Variants in LOC728743 observed in about 807,000 individuals in gnomAD.
At chr7:150,408,271 G>A in the LOC728743 span, 3 of 378,004 alleles carry the variant, frequency 7.9e-6, no homozygotes, top group Admixed American at 4.5e-5. Flanking sequence ...CCGCACGTGC[G>A]TCCCCGACCC....
the LOC728743 span, chr7:150,408,326 C>T: frequency 2.8e-6 from 1 of 360,590 alleles, no homozygotes; most frequent in Non-Finnish European, 5.0e-6. Context: ...GATGGGATCC[C>T]GGGAGAGGGG....
At chr7:150,406,881 C>A in the LOC728743 span, among the ~76,000 whole-genome samples, 129 of 152,310 alleles carry the variant, frequency 8.5e-4, no homozygotes, top group African/African-American at 3.0e-3. Context: ...TGAACACATG[C>A]CTCATTTTGA....
the LOC728743 span, chr7:150,408,070 C>G: frequency 2.7e-6 from 1 of 376,732 alleles, no homozygotes; most frequent in Non-Finnish European, 4.7e-6. Flanking sequence ...CCGCGCCGCA[C>G]CCGCGCCGCC....
At chr7:150,408,118 C>A in the LOC728743 span, 1 of 383,468 alleles carries the variant, frequency 2.6e-6, no homozygotes, top group African/African-American at 2.1e-5. Flanking sequence ...ACTTCTGCCC[C>A]CGCTGCGGCA....
the LOC728743 span, chr7:150,407,677 C>T: frequency 2.5e-6 from 1 of 399,096 alleles, no homozygotes. Context: ...GTCTGGGGGA[C>T]GAGCGAGGCC....
the LOC728743 span, among the ~76,000 whole-genome samples, chr7:150,409,645 T>C: frequency 6.6e-6 from 1 of 152,142 alleles, no homozygotes; most frequent in Non-Finnish European, 1.5e-5. Flanking sequence ...AGGGAGGATT[T>C]GGGGCCATGT....
At chr7:150,410,127 ACCTGAT>A in the LOC728743 span, 2 of 398,558 alleles carry the variant, frequency 5.0e-6, no homozygotes, top group Admixed American at 8.8e-5. Flanking sequence ...ACGGCTCCAC[ACCTGAT>A]CCTGATCTCT....
the LOC728743 span, among the ~76,000 whole-genome samples, chr7:150,409,315 T>G: frequency 1.3e-5 from 2 of 152,140 alleles, no homozygotes; most frequent in East Asian, 3.9e-4. Flanking sequence ...GAGGACAGAC[T>G]GATGTGGGAA....
At chr7:150,408,302 C>T in the LOC728743 span, 1 of 363,642 alleles carries the variant, frequency 2.7e-6, no homozygotes, top group Non-Finnish European at 4.9e-6. Flanking sequence ...CCCTGGGCCG[C>T]AGCTCCCTCT....
At chr7:150,409,695 G>A in the LOC728743 span, among the ~76,000 whole-genome samples, 1 of 152,068 alleles carries the variant, frequency 6.6e-6, no homozygotes, top group Non-Finnish European at 1.5e-5. Flanking sequence ...TGGTACGGGT[G>A]TTTGAAGGGG....
At chr7:150,408,772 AG>A in the LOC728743 span, among the ~76,000 whole-genome samples, 1 of 152,098 alleles carries the variant, frequency 6.6e-6, no homozygotes. Flanking sequence ...TTCATGTTTC[AG>A]TTTACTCATC....
At chr7:150,404,519 A>C in the LOC728743 span, 1 of 152,282 alleles carries the variant, frequency 6.6e-6, no homozygotes, top group South Asian at 2.1e-4. Flanking sequence ...GGTAGGGTGC[A>C]CATGGTTATT....
the LOC728743 span, among the ~76,000 whole-genome samples, chr7:150,409,021 G>C: frequency 6.6e-6 from 1 of 152,140 alleles, no homozygotes. Context: ...TCTGGGGTGA[G>C]ACCGAGGAGG....
At chr7:150,400,818 G>A in the LOC728743 span, 8 of 152,374 alleles carry the variant, frequency 5.3e-5, 1 homozygote, top group African/African-American at 1.9e-4. Context: ...TTGTCATTAA[G>A]TCCAAGACAA....
the LOC728743 span, chr7:150,408,313 C>G: frequency 2.8e-6 from 1 of 361,350 alleles, no homozygotes. Flanking sequence ...AGCTCCCTCT[C>G]TAGATGGGAT....
chr7:150,407,752 G>A, the LOC728743 span: 1 of 400,006 alleles, frequency 2.5e-6, no homozygotes, highest in Non-Finnish European at 4.4e-6. Flanking sequence ...AGACCTTCTC[G>A]CAGCAGCCCA....
the LOC728743 span, chr7:150,407,578 C>G: frequency 2.5e-6 from 1 of 398,354 alleles, no homozygotes; most frequent in Admixed American, 4.4e-5. Flanking sequence ...GCTTCTGTCT[C>G]CCTAGGGACT....
At chr7:150,404,158 C>T in the LOC728743 span, among the ~76,000 whole-genome samples, 1 of 152,238 alleles carries the variant, frequency 6.6e-6, no homozygotes, top group Admixed American at 6.5e-5. Flanking sequence ...CTCCACCTGG[C>T]AGCTACAGAG....
At chr7:150,408,536 T>G in the LOC728743 span, 5 of 238,154 alleles carry the variant, frequency 2.1e-5, no homozygotes, top group East Asian at 8.2e-5. Context: ...CTGGGAGTGG[T>G]GGGGGTGGAG....
Sources: allele counts gnomAD v4.1 joint callset (sites outside exome capture counted in the v4.1 genomes callset), GRCh38; gene constraint gnomAD v4.1.1; transcripts MANE v1.5.